C1orf185: variants seen among roughly 807,000 people sequenced by gnomAD.
The protein encoded by C1orf185 is chromosome 1 open reading frame 185.
A neutral mutation model predicts 16.1 loss-of-function variants in C1orf185; 13 were observed. That is an observed-to-expected ratio of 0.81 (90% CI 0.53 to 1.28). The LOEUF (loss-of-function observed/expected upper bound fraction) is 1.28. Ranked by LOEUF, C1orf185 falls within the 50% of genes most tolerant of loss-of-function variation. C1orf185 has a pLI of 0.00. For missense variants in C1orf185, 220 were observed against 225.2 expected (o/e 0.98, Z 0.15); for synonymous variants, 80 against 76.9 (o/e 1.04, Z -0.21).
chr1:51,139,590 G>A (rs1420981049), intron 3 of C1orf185, among the ~76,000 whole-genome samples: 1 of 152,106 alleles, frequency 6.6e-6, no homozygotes, highest in African/African-American at 2.4e-5. Context: ...TGCCTTTGTA[G>A]GAAAATATTT....
At chr1:51,148,726 A>C (rs941250246), downstream of C1orf185, among the ~76,000 whole-genome samples, 11 of 152,132 alleles carry the variant, frequency 7.2e-5, no homozygotes, top group African/African-American at 2.7e-4. Context: ...CAGGAGTTTG[A>C]GACCAGACTG....
chr1:51,139,590 GGAAAATATTTAACTATTAA>G (rs1188824981), intron 3 of C1orf185, among the ~76,000 whole-genome samples: 1 of 152,106 alleles, frequency 6.6e-6, no homozygotes, highest in Non-Finnish European at 1.5e-5. Flanking sequence ...TGCCTTTGTA[GGAAAATATTTAACTATTAA>G]ATCTATTACT....
At chr1:51,131,027 C>G (rs1294865288) in intron 3 of C1orf185, among the ~76,000 whole-genome samples, 1 of 152,174 alleles carries the variant, frequency 6.6e-6, no homozygotes, top group African/African-American at 2.4e-5. Flanking sequence ...CTCAGCCTCC[C>G]AAGTAGCTGG....
intron 3 of C1orf185, among the ~76,000 whole-genome samples, chr1:51,126,892 T>A (rs1646244005): frequency 6.6e-6 from 1 of 152,218 alleles, no homozygotes; most frequent in Non-Finnish European, 1.5e-5. Context: ...GCTCTGTAAC[T>A]GTATCTCCAT....
chr1:51,141,897 T>C (rs1413636813), intron 3 of C1orf185, among the ~76,000 whole-genome samples: 1 of 152,094 alleles, frequency 6.6e-6, no homozygotes, highest in Non-Finnish European at 1.5e-5. Context: ...AGTGGCACCA[T>C]CTTGGTTCAC....
In C1orf185 at chr1:51,120,025, T is replaced by C. The variant is rs564434480; in HGVS notation, c.258+1224T>C. Among the ~76,000 whole-genome samples the C allele has an allele frequency of 3.9e-5, 6 of 152,244 alleles. No individual in the cohort carries two copies. In the East Asian group the frequency reaches 1.2e-3, roughly 29 times the overall value. On this transcript the variant is annotated intron_variant, in intron 3 of 4. Coordinates refer to ENST00000371759, the MANE Select transcript of C1orf185 (RefSeq NM_001136508.2). ...AGGAGGGCTTCACAGAGAAGACATTTTGAACTGGGTTTTAAGAAATGAAGA... is the reference window on the plus strand; with the variant it reads ...AGGAGGGCTTCACAGAGAAGACATTCTGAACTGGGTTTTAAGAAATGAAGA...
At chr1:51,112,797 A>G (rs1310113848) in intron 2 of C1orf185, among the ~76,000 whole-genome samples, 1 of 151,474 alleles carries the variant, frequency 6.6e-6, no homozygotes, top group East Asian at 1.9e-4. Flanking sequence ...TTGAAGGATA[A>G]CAAGACCTAC....
At chr1:51,151,607 T>C (rs1022004145), downstream of C1orf185, among the ~76,000 whole-genome samples, 1 of 152,296 alleles carries the variant, frequency 6.6e-6, no homozygotes, top group South Asian at 2.1e-4. Flanking sequence ...GCGACTGCCT[T>C]TGGGTGTACA....
intron 1 of C1orf185, among the ~76,000 whole-genome samples, chr1:51,106,663 G>A (rs1462946430): frequency 4.0e-5 from 6 of 151,586 alleles, no homozygotes; most frequent in Non-Finnish European, 8.8e-5. Flanking sequence ...ACATATTGGA[G>A]AAAAGCAGAA....
intron 2 of C1orf185, among the ~76,000 whole-genome samples, chr1:51,115,713 C>T (rs1472967968): frequency 6.6e-6 from 1 of 152,072 alleles, no homozygotes; most frequent in East Asian, 1.9e-4. Context: ...ATCTTTATGT[C>T]TCTATGAAGC....
chr1:51,140,361 T>C (rs1646356661), intron 3 of C1orf185, among the ~76,000 whole-genome samples: 1 of 152,232 alleles, frequency 6.6e-6, no homozygotes, highest in African/African-American at 2.4e-5. Flanking sequence ...ACACTTCTTT[T>C]CTTTTAGTAG....
chr1:51,147,490 G>GAACCCCAAC lies in C1orf185; in HGVS notation c.320_328dup (p.Gln109_Leu110insGlnProGln). ...AGCAATTAAAGATCATTCTAAAGATGAACCCCAACTTGCAACAAAAAATAT... is the reference window on the plus strand; with the variant it reads ...AGCAATTAAAGATCATTCTAAAGATGAACCCCAACAACCCCAACTTGCAACAAAAAATAT... On this transcript the variant is annotated inframe_insertion, in exon 5 of 5. Transcript: ENST00000371759. 6.5e-7 allele frequency: 1 copy of GAACCCCAAC among 1,539,310 alleles called. No homozygotes were observed.
chr1:51,144,248 A>G (rs931771831), intron 3 of C1orf185, among the ~76,000 whole-genome samples: 6 of 152,338 alleles, frequency 3.9e-5, no homozygotes, highest in Admixed American at 3.3e-4. Context: ...CAGAATCTGC[A>G]TTTTAACAAG....
intron 3 of C1orf185, among the ~76,000 whole-genome samples, chr1:51,119,704 G>C (rs539366782): frequency 2.0e-5 from 3 of 152,316 alleles, no homozygotes; most frequent in East Asian, 3.9e-4. Flanking sequence ...GGAGGCTGAG[G>C]CAGGAGGATC....
intron 3 of C1orf185, among the ~76,000 whole-genome samples, chr1:51,141,081 G>T (rs1433685196): frequency 6.6e-6 from 1 of 152,128 alleles, no homozygotes; most frequent in Non-Finnish European, 1.5e-5. Context: ...ATCTCAGTAA[G>T]GAGAAGTGAA....
chr1:51,141,154 A>G (rs1335703097), intron 3 of C1orf185, among the ~76,000 whole-genome samples: 1 of 152,214 alleles, frequency 6.6e-6, no homozygotes, highest in Admixed American at 6.5e-5. Context: ...CGAGAACTCT[A>G]CTGAAGTTTT....
intron 1 of C1orf185, among the ~76,000 whole-genome samples, chr1:51,104,251 G>A (rs1646053734): frequency 6.6e-6 from 1 of 152,104 alleles, no homozygotes; most frequent in South Asian, 2.1e-4. Flanking sequence ...CTCAAGAAGA[G>A]CAAAATAAAC....
intron 1 of C1orf185, chr1:51,102,499 CT>C (rs1247117866): frequency 1.5e-5 from 4 of 269,448 alleles, no homozygotes; most frequent in Non-Finnish European, 2.8e-5. Context: ...TCTTGAGTCA[CT>C]TTTTGTAAGT....
intron 3 of C1orf185, among the ~76,000 whole-genome samples, chr1:51,134,922 A>C (rs1018113116): frequency 5.3e-5 from 8 of 151,784 alleles, no homozygotes; most frequent in African/African-American, 1.2e-4. Context: ...CAGATGTGCA[A>C]AGAAGAGCTA....
Sources: allele counts gnomAD v4.1 joint callset (sites outside exome capture counted in the v4.1 genomes callset), GRCh38; gene constraint gnomAD v4.1.1; transcripts MANE v1.5; gene names NCBI Gene and HGNC (gene_info 2026-07-23, HGNC 2026-07-21).